NFU1: variants seen among roughly 807,000 people sequenced by gnomAD.
NFU1 encodes the protein NFU1 iron-sulfur cluster scaffold homolog, mitochondrial.
NFU1 carries 30 observed loss-of-function variants against 32.2 expected under a neutral mutation model. The ratio of observed to expected loss-of-function variants is 0.93; its 90% confidence interval spans 0.70 to 1.26. The LOEUF (loss-of-function observed/expected upper bound fraction) is 1.26, where lower values mean the gene tolerates loss of function less well. Among genes scored for constraint, NFU1 ranks in the 50% most tolerant of loss-of-function variants. The pLI, the probability that NFU1 is intolerant of heterozygous loss-of-function variation, is 0.00. For missense variants in NFU1, 306 were observed against 306.6 expected (o/e 1.00, Z 0.02); for synonymous variants, 112 against 104.6 (o/e 1.07, Z -0.43).
rs572532275 is a variant in NFU1, at chr2:69,431,753, T to C, written c.166+149A>G. 241 of 645,124 alleles carry C rather than the reference T, an allele frequency of 3.7e-4. 4 individuals are homozygous for C. The South Asian group carries it at 4.3e-3, about 11-fold the overall frequency. The allele number at this position is 645,124 out of a possible 1,614,324, so 40.0% of individuals were successfully genotyped here. A position where few individuals can be genotyped will look rare whatever the true frequency, so the allele number is the denominator to read the frequency against. Reference sequence around the variant, plus strand: ...AATACATTTTCTACTTAGAAGCCTATAAGAAAAATATAGCTTTTTTTCCTA... The same window carrying C: ...AATACATTTTCTACTTAGAAGCCTACAAGAAAAATATAGCTTTTTTTCCTA... On this transcript the variant is annotated intron_variant, in intron 2 of 7. Coordinates refer to ENST00000410022, the MANE Select transcript of NFU1 (RefSeq NM_001002755.4).
chr2:69,432,022 A>G lies in NFU1; in HGVS notation c.63-17T>C. Reference sequence around the variant, plus strand: ...TGACAGAACCTGCATTTAAAAGCACATAATGAATGACATTTTAAGAGCTCT... The same window carrying G: ...TGACAGAACCTGCATTTAAAAGCACGTAATGAATGACATTTTAAGAGCTCT... On this transcript the variant is annotated splice_polypyrimidine_tract_variant and intron_variant, in intron 1 of 7. Coordinates refer to ENST00000410022, the MANE Select transcript of NFU1 (RefSeq NM_001002755.4). 1 of 1,508,200 alleles carries G rather than the reference A, an allele frequency of 6.6e-7. No individual in the cohort carries two copies. Among genetic ancestry groups the G allele is most frequent in the Non-Finnish European group, 9.2e-7 (1 of 1,083,172 alleles). 93.4% of individuals were successfully genotyped at this position (1,508,200 alleles called of 1,614,324 possible). A position where few individuals can be genotyped will look rare whatever the true frequency, so the allele number is the denominator to read the frequency against.
chr2:69,424,980 C>T (rs918769605), intron 2 of NFU1, among the ~76,000 whole-genome samples: 22 of 151,418 alleles, frequency 1.5e-4, no homozygotes, highest in African/African-American at 5.1e-4. Flanking sequence ...AGGTTCATGC[C>T]ATTCTCCTGC....
chr2:69,397,200 T>TA (rs1471798372), intron 7 of NFU1, among the ~76,000 whole-genome samples: 1 of 152,120 alleles, frequency 6.6e-6, no homozygotes, highest in African/African-American at 2.4e-5. Flanking sequence ...ATTGTTATTT[T>TA]AAAAACATTT....
At chr2:69,404,638 T>TTTTTTTTTTTTA (rs1672638399) in intron 6 of NFU1, among the ~76,000 whole-genome samples, 1 of 135,728 alleles carries the variant, frequency 7.4e-6, no homozygotes, top group Non-Finnish European at 1.5e-5. Flanking sequence ...TTTTTTTTTT[T>TTTTTTTTTTTTA]GAGAAAGAGT....
chr2:69,423,514 T>G (rs1673335807), intron 3 of NFU1, 68 bp downstream of exon 3: 1 of 1,421,252 alleles, frequency 7.0e-7, no homozygotes, highest in Non-Finnish European at 9.8e-7. Flanking sequence ...TAAACAGAGT[T>G]GTCTTAACCC....
intron 1 of NFU1, 142 bp downstream of exon 1, chr2:69,437,219 C>T (rs1673873633): frequency 6.8e-7 from 1 of 1,468,050 alleles, no homozygotes; most frequent in African/African-American, 1.4e-5. Flanking sequence ...GGGCTCACCC[C>T]CAACTACGGC....
At chr2:69,430,535 G>T (rs1247037877) in intron 2 of NFU1, among the ~76,000 whole-genome samples, 1 of 151,948 alleles carries the variant, frequency 6.6e-6, no homozygotes, top group African/African-American at 2.4e-5. Context: ...ATTATGCTTG[G>T]TACTAATAGG....
At chr2:69,409,752 G>A (rs1672816654) in intron 5 of NFU1, among the ~76,000 whole-genome samples, 1 of 152,018 alleles carries the variant, frequency 6.6e-6, no homozygotes, top group Non-Finnish European at 1.5e-5. Context: ...AACTAATAGA[G>A]TAAGAACTCA....
chr2:69,419,084 CG>C (rs1558832107), intron 4 of NFU1, among the ~76,000 whole-genome samples: 1 of 151,936 alleles, frequency 6.6e-6, no homozygotes, highest in Non-Finnish European at 1.5e-5. Flanking sequence ...GAGGCCGAGG[CG>C]GGTGGATCAC....
chr2:69,414,925 T>C (rs1283261612), intron 5 of NFU1, among the ~76,000 whole-genome samples: 2 of 152,158 alleles, frequency 1.3e-5, no homozygotes, highest in Non-Finnish European at 2.9e-5. Context: ...AATTAACATT[T>C]GTTAGATATG....
At chr2:69,405,467 AC>A (rs1672665688) in intron 6 of NFU1, among the ~76,000 whole-genome samples, 1 of 152,102 alleles carries the variant, frequency 6.6e-6, no homozygotes, top group South Asian at 2.1e-4. Flanking sequence ...TGAAGGGAAA[AC>A]TCAGTGAGCT....
chr2:69,437,507 C>G, upstream of NFU1: 2 of 1,512,570 alleles, frequency 1.3e-6, no homozygotes, highest in Admixed American at 1.9e-5. Flanking sequence ...TGGGCGGGCA[C>G]TGGGAAGAGC....
At chr2:69,428,912 A>G (rs1171079455) in intron 2 of NFU1, among the ~76,000 whole-genome samples, 1 of 152,220 alleles carries the variant, frequency 6.6e-6, no homozygotes, top group African/African-American at 2.4e-5. Flanking sequence ...ATGCAGTTCC[A>G]GCTAGCTGAA....
At chr2:69,412,483 T>G (rs1672917059) in intron 5 of NFU1, among the ~76,000 whole-genome samples, 1 of 150,880 alleles carries the variant, frequency 6.6e-6, no homozygotes, top group South Asian at 2.2e-4. Context: ...GCCTCCCAGA[T>G]TCAAGCAATT....
At chr2:69,439,381 C>T (rs550951442), upstream of NFU1, among the ~76,000 whole-genome samples, 3 of 152,072 alleles carry the variant, frequency 2.0e-5, no homozygotes, top group Non-Finnish European at 4.4e-5. Context: ...CAGATGTGTC[C>T]GGAGTTTGTT....
At chr2:69,419,053 G>A (rs992569105) in intron 4 of NFU1, among the ~76,000 whole-genome samples, 5 of 152,002 alleles carry the variant, frequency 3.3e-5, no homozygotes, top group Non-Finnish European at 5.9e-5. Flanking sequence ...GGTGGCTCAC[G>A]CCTGTAATCC....
At chr2:69,421,963 C>T (rs1448786558) in intron 3 of NFU1, among the ~76,000 whole-genome samples, 3 of 151,918 alleles carry the variant, frequency 2.0e-5, no homozygotes, top group African/African-American at 7.3e-5. Context: ...AGTATTGAAC[C>T]CTGCAAGTAT....
intron 7 of NFU1, chr2:69,399,306 A>G (rs965075336): frequency 2.2e-6 from 1 of 447,668 alleles, no homozygotes. Flanking sequence ...ATCTCTCTCC[A>G]TAAGGCCATG....
chr2:69,415,705 G>A lies in NFU1; in HGVS notation c.370-406C>T, dbSNP rs191158521. Among the ~76,000 whole-genome samples the A allele has an allele frequency of 5.1e-3, 771 of 152,292 alleles. 2 individuals are homozygous for A. Among genetic ancestry groups the A allele is most frequent in the Non-Finnish European group, 8.7e-3 (594 of 68,026 alleles). On this transcript the variant is annotated intron_variant, in intron 4 of 7. Coordinates refer to ENST00000410022, the MANE Select transcript of NFU1 (RefSeq NM_001002755.4). ...CACAAGATATTTAAGGTTGGGCACG[G>A]TGGTTCATGCCTGTAATCCCAGCAT...
Sources: gnomAD v4.1 joint callset for allele counts (sites outside exome capture counted in the v4.1 genomes callset) on GRCh38, gnomAD v4.1.1 for gene constraint, MANE v1.5 for transcripts, NCBI Gene and HGNC (gene_info 2026-07-23, HGNC 2026-07-21) for gene names.